ARHGDIB: variants seen among roughly 807,000 people sequenced by gnomAD.
ARHGDIB encodes Rho GDP dissociation inhibitor beta, also known as rho GDP-dissociation inhibitor 2.
A neutral mutation model predicts 22.6 loss-of-function variants in ARHGDIB; 20 were observed. That is an observed-to-expected ratio of 0.88 (90% CI 0.62 to 1.28). The LOEUF (loss-of-function observed/expected upper bound fraction) is 1.28, where lower values mean the gene tolerates loss of function less well. ARHGDIB is among the 50% of genes most tolerant of loss of function. The pLI is 0.00. For missense variants in ARHGDIB, 254 were observed against 245.4 expected, an observed-to-expected ratio of 1.04 and a Z score of -0.23; for synonymous variants, 114 against 96.1, an observed-to-expected ratio of 1.19 and a Z score of -1.09.
At chr12:14,953,656 A>G (rs935199104) in intron 1 of ARHGDIB, among the ~76,000 whole-genome samples, 14 of 152,038 alleles carry the variant, frequency 9.2e-5, no homozygotes, top group Admixed American at 9.2e-4. Flanking sequence ...AGATAAACCC[A>G]TGACATTGTG....
chr12:14,957,113 T>C (rs1029751409), intron 1 of ARHGDIB, among the ~76,000 whole-genome samples: 22 of 152,302 alleles, frequency 1.4e-4, no homozygotes, highest in Non-Finnish European at 2.8e-4. Context: ...TCATAGAACA[T>C]AGATTGAGTC....
At chr12:14,950,801 C>T (rs1282754022) in intron 1 of ARHGDIB, 77 bp from the exon 2 acceptor site, 1 of 1,224,270 alleles carries the variant, frequency 8.2e-7, no homozygotes, top group Non-Finnish European at 1.1e-6. Context: ...TGTTAGCAGC[C>T]TCCTTACCCT....
chr12:14,948,024 GA>G, intron 3 of ARHGDIB, 75 bp from the exon 4 acceptor site: 1 of 1,317,598 alleles, frequency 7.6e-7, no homozygotes. Flanking sequence ...TTAAGTCCCG[GA>G]AAAATTTGTT....
At chr12:14,943,375 C>T (rs1565458084) in intron 5 of ARHGDIB, among the ~76,000 whole-genome samples, 1 of 139,348 alleles carries the variant, frequency 7.2e-6, no homozygotes, top group Non-Finnish European at 1.5e-5. Flanking sequence ...GGGATTAAGC[C>T]TGTTTTTTTT....
rs773158474 is a variant in ARHGDIB at position 14,942,556 on chromosome 12, C to T, written c.572G>A (p.Trp191Ter). 6.2e-7 allele frequency: 1 copy of T among 1,614,094 alleles called. No homozygotes were observed. Among genetic ancestry groups the T allele is most frequent in the South Asian group, 1.1e-5 (1 of 91,078 alleles). ...CCACTCCTTCTTAATCGACAGGTTC[C>T]ACTCCCAGCTGAGGTGGTCTTGCTT... ...DDKQDHLSWE[W>*]NLSIKKEWTE Residue 191 changes from tryptophan (W) to a stop codon, truncating the protein, a stop_gained, in exon 6 of 6, where the codon TGG becomes TAG. Transcript: ENST00000228945. LOFTEE classifies it high-confidence loss of function.
intron 5 of ARHGDIB, among the ~76,000 whole-genome samples, 193 bp from the exon 6 acceptor site, chr12:14,942,914 G>T (rs1863906258): frequency 6.6e-6 from 1 of 151,818 alleles, no homozygotes; most frequent in Non-Finnish European, 1.5e-5. Context: ...TGTTGTCCAG[G>T]CTGGAGTGCG....
chr12:14,947,260 G>A (rs769621526), intron 4 of ARHGDIB, among the ~76,000 whole-genome samples: 22 of 152,134 alleles, frequency 1.4e-4, no homozygotes, highest in Non-Finnish European at 3.1e-4. Context: ...ATGGCTCATT[G>A]GGATATATTA....
rs765241849 is a variant in ARHGDIB at position 14,942,725 on chromosome 12, A to C, written c.407-4T>G. On this transcript the variant is annotated splice_region_variant and splice_polypyrimidine_tract_variant and intron_variant, in intron 5 of 5. Transcript: ENST00000228945. ...ACCATAAATGTTGCTTTATCCACTA[A>C]GAAGAAAGAAGAGTTCATTAGGGTA... The C allele has an allele frequency of 6.2e-7, 1 of 1,613,436 alleles. No homozygotes were observed. The highest frequency in any genetic ancestry group is 1.3e-5 in the African/African-American group (1 of 75,048).
Position 14,949,869 on chromosome 12 carries a change from A to T in ARHGDIB, c.198T>A (p.Asn66Lys), listed in dbSNP as rs1864126974. The T allele has an allele frequency of 6.2e-7, 1 of 1,613,294 alleles. No homozygotes were observed. Among genetic ancestry groups the T allele is most frequent in the Non-Finnish European group, 8.5e-7 (1 of 1,179,624 alleles). ...GPVVTDPKAPNVVVTRLTLVC... is the reference protein window; with the variant it reads ...GPVVTDPKAPKVVVTRLTLVC... Reference sequence around the variant, plus strand: ...CCAGGGTGAGCCGGGTGACAACGACATTGGGGGCTTTCGGATCTGCAGGAT... The same window carrying T: ...CCAGGGTGAGCCGGGTGACAACGACTTTGGGGGCTTTCGGATCTGCAGGAT... Residue 66 changes from asparagine (N) to lysine (K), a missense_variant, in exon 3 of 6, where the codon AAT (asparagine) becomes AAA (lysine). Transcript: ENST00000228945.
At position 14,949,836 on chromosome 12, in the gene ARHGDIB, C is replaced by T. The variant is rs1184513455; in HGVS notation, c.231G>A (p.Glu77=). 1 of 1,613,760 alleles carries T rather than the reference C, an allele frequency of 6.2e-7. No homozygotes were observed. Among genetic ancestry groups the T allele is most frequent in the East Asian group, 2.2e-5 (1 of 44,868 alleles). The stretch of plus-strand genomic sequence containing the variant: ...CCATGGTGATTGGTCCCGGGGCACT[C>T]TCACAAACCAGGGTGAGCCGGGTGA... ...VVVTRLTLVC[E]SAPGPITMDL... The change falls in exon 3 of 6, where the codon GAG becomes GAA. Residue 77 remains glutamate (E), a synonymous_variant. Coordinates refer to ENST00000228945, the MANE Select transcript of ARHGDIB (RefSeq NM_001175.7).
At chr12:14,955,117 A>G (rs1864271691) in intron 1 of ARHGDIB, among the ~76,000 whole-genome samples, 1 of 152,204 alleles carries the variant, frequency 6.6e-6, no homozygotes, top group South Asian at 2.1e-4. Flanking sequence ...AAAGGGTACC[A>G]TAATAGTAAT....
intron 4 of ARHGDIB, 107 bp downstream of exon 4, chr12:14,947,766 G>C: frequency 1.0e-6 from 1 of 978,842 alleles, no homozygotes; most frequent in Admixed American, 1.9e-5. Context: ...GGGGGTACTA[G>C]GGGAGAAACA....
At chr12:14,943,066 C>A (rs1175872539) in intron 5 of ARHGDIB, among the ~76,000 whole-genome samples, 1 of 152,114 alleles carries the variant, frequency 6.6e-6, no homozygotes, top group East Asian at 1.9e-4. Context: ...CGGGGTTTCT[C>A]CATGTTGGTC....
At chr12:14,953,904 CTT>C (rs1404592633) in intron 1 of ARHGDIB, among the ~76,000 whole-genome samples, 3 of 150,830 alleles carry the variant, frequency 2.0e-5, no homozygotes, top group Non-Finnish European at 4.4e-5. Context: ...TCCCTTCTTT[CTT>C]TCTCTCTCTC....
intron 1 of ARHGDIB, chr12:14,950,963 C>G (rs1864162718): frequency 3.1e-6 from 1 of 324,074 alleles, no homozygotes; most frequent in Non-Finnish European, 5.7e-6. Context: ...ATTCACTGAA[C>G]AAAACTGACA....
intron 5 of ARHGDIB, 78 bp from the exon 6 acceptor site, chr12:14,942,799 T>A (rs1182364872): frequency 2.0e-5 from 25 of 1,240,834 alleles, no homozygotes; most frequent in Non-Finnish European, 2.4e-5. Context: ...GAATCTGGAC[T>A]ACAGCCTACA....
chr12:14,942,745 A>G (rs752158593), intron 5 of ARHGDIB, 24 bp from the exon 6 acceptor site: 1 of 1,607,746 alleles, frequency 6.2e-7, no homozygotes. Flanking sequence ...AGAGTTCATT[A>G]GGGTAAGAGC....
intron 5 of ARHGDIB, 40 bp downstream of exon 5, chr12:14,944,736 G>A (rs145689503): frequency 1.3e-6 from 2 of 1,585,708 alleles, no homozygotes; most frequent in Non-Finnish European, 1.7e-6. Context: ...GTATCAATGA[G>A]AAGCAGTTTG....
At chr12:14,943,406 T>TG (rs11375521) in intron 5 of ARHGDIB, among the ~76,000 whole-genome samples, 24,217 of 148,584 alleles carry the variant, frequency 0.16, 2,179 homozygotes, top group Middle Eastern at 0.24. Flanking sequence ...TTGTTGTTGT[T>TG]TTTTTTATGG....
Sources: allele counts gnomAD v4.1 joint callset (sites outside exome capture counted in the v4.1 genomes callset), GRCh38; gene constraint gnomAD v4.1.1; transcripts MANE v1.5; gene names NCBI Gene and HGNC (gene_info 2026-07-23, HGNC 2026-07-21).